Variants in FSTL5 observed in about 807,000 individuals in gnomAD.
FSTL5 encodes the protein follistatin-related protein 5.
In FSTL5, 62 loss-of-function variants were observed where a neutral mutation model predicts 89.1. The observed-to-expected ratio is 0.70, with a 90% confidence interval of 0.57 to 0.86. The LOEUF is 0.86. Among genes scored for constraint, FSTL5 ranks in the 40% least tolerant of loss-of-function variants. FSTL5 has a pLI of 0.00. For synonymous variants in FSTL5, 383 were observed against 346.2 expected (o/e 1.11, Z -1.18); for missense variants, 1,057 against 1,001.6 (o/e 1.06, Z -0.75).
chr4:162,149,345 G>A (rs11100415), intron 1 of FSTL5, among the ~76,000 whole-genome samples: 69,322 of 151,750 alleles, frequency 0.46, 17,312 homozygotes, highest in Admixed American at 0.57. Context: ...GTACCCTGCC[G>A]ACCAACCATC....
At chr4:161,883,635 A>T (rs531976705) in intron 4 of FSTL5, among the ~76,000 whole-genome samples, 1 of 152,334 alleles carries the variant, frequency 6.6e-6, no homozygotes, top group East Asian at 1.9e-4. Context: ...TTATTTAAAT[A>T]AAATTTTATC....
intron 4 of FSTL5, among the ~76,000 whole-genome samples, chr4:161,891,661 A>G (rs898140130): frequency 3.0e-4 from 45 of 152,140 alleles, no homozygotes; most frequent in Non-Finnish European, 1.3e-4. Context: ...TAAATATTTC[A>G]TCTTTATGCC....
intron 7 of FSTL5, among the ~76,000 whole-genome samples, chr4:161,619,705 A>C (rs555437618): frequency 7.0e-4 from 106 of 152,206 alleles, no homozygotes; most frequent in Admixed American, 3.3e-3. Flanking sequence ...GCTGGAGAGG[A>C]TGTGGAGAAA....
chr4:161,577,108 C>T (rs1578939643), intron 8 of FSTL5, among the ~76,000 whole-genome samples: 2 of 152,220 alleles, frequency 1.3e-5, no homozygotes, highest in East Asian at 3.9e-4. Context: ...CTTTCTTGTT[C>T]TAGTGAGTAT....
intron 3 of FSTL5, among the ~76,000 whole-genome samples, chr4:161,926,163 T>A (rs1274243389): frequency 6.6e-6 from 1 of 151,842 alleles, no homozygotes; most frequent in East Asian, 1.9e-4. Context: ...CACAGTATAA[T>A]CTTTTCATGA....
chr4:162,057,884 C>T (rs997363608), intron 2 of FSTL5, among the ~76,000 whole-genome samples: 5 of 152,088 alleles, frequency 3.3e-5, no homozygotes, highest in African/African-American at 1.2e-4. Flanking sequence ...ACGGAGGTTG[C>T]AGTGAGCCGA....
chr4:161,491,661 T>C (rs139525538), intron 12 of FSTL5, among the ~76,000 whole-genome samples: 1,698 of 152,096 alleles, frequency 0.011, 28 homozygotes, highest in African/African-American at 0.038. Flanking sequence ...GTCAACATGC[T>C]GAAACCCCGT....
At chr4:161,554,901 T>C (rs1732336956) in intron 8 of FSTL5, among the ~76,000 whole-genome samples, 1 of 151,688 alleles carries the variant, frequency 6.6e-6, no homozygotes, top group African/African-American at 2.4e-5. Flanking sequence ...TAATAAATAT[T>C]TTAAATGCTA....
intron 8 of FSTL5, among the ~76,000 whole-genome samples, chr4:161,578,600 C>A (rs1178987600): frequency 6.6e-6 from 1 of 151,770 alleles, no homozygotes; most frequent in Non-Finnish European, 1.5e-5. Context: ...AAATATATAT[C>A]CCAAAGTCCA....
intron 13 of FSTL5, among the ~76,000 whole-genome samples, chr4:161,474,443 T>C (rs996169942): frequency 9.9e-5 from 15 of 152,260 alleles, no homozygotes; most frequent in African/African-American, 3.6e-4. Flanking sequence ...AAAGTGTAGT[T>C]ACCAAATTTT....
intron 6 of FSTL5, among the ~76,000 whole-genome samples, chr4:161,696,740 G>C (rs1309856243): frequency 2.0e-5 from 3 of 152,096 alleles, no homozygotes; most frequent in Non-Finnish European, 4.4e-5. Flanking sequence ...CTCTTGATTT[G>C]ATTCTCAGCT....
chr4:161,477,703 A>C lies in FSTL5; in HGVS notation c.1608+3317T>G, dbSNP rs568089846. Among the ~76,000 whole-genome samples the C allele has an allele frequency of 9.2e-4, 140 of 151,930 alleles. 1 individual carries two copies. The highest frequency in any genetic ancestry group is 1.6e-3 in the Non-Finnish European group (110 of 67,860). On this transcript the variant is annotated intron_variant, in intron 13 of 15. Coordinates refer to ENST00000306100, the MANE Select transcript of FSTL5 (RefSeq NM_020116.5). ...AACTATTATTTAACATATACATATC[A>C]ATTTTAATTTTAATAATTCACTTTT...
At chr4:161,893,106 T>C (rs1733040965) in intron 4 of FSTL5, among the ~76,000 whole-genome samples, 1 of 152,140 alleles carries the variant, frequency 6.6e-6, no homozygotes, top group Non-Finnish European at 1.5e-5. Context: ...TAAGCAAATA[T>C]ACTTAAAGAT....
chr4:162,138,983 T>C (rs1254960364), intron 1 of FSTL5, among the ~76,000 whole-genome samples: 2 of 152,282 alleles, frequency 1.3e-5, no homozygotes, highest in Admixed American at 6.5e-5. Flanking sequence ...AATAACTCTC[T>C]ATAATAAATT....
chr4:162,101,904 A>G (rs1412797258), intron 2 of FSTL5, among the ~76,000 whole-genome samples: 1 of 152,208 alleles, frequency 6.6e-6, no homozygotes, highest in Non-Finnish European at 1.5e-5. Context: ...CCAACTTGCC[A>G]ATGGATCAAT....
chr4:161,876,499 T>G (rs1732447000), intron 4 of FSTL5, among the ~76,000 whole-genome samples: 1 of 152,200 alleles, frequency 6.6e-6, no homozygotes, highest in Non-Finnish European at 1.5e-5. Flanking sequence ...AAAAGTTACT[T>G]TGTTACAATG....
intron 15 of FSTL5, among the ~76,000 whole-genome samples, chr4:161,408,232 T>C (rs574184215): frequency 1.3e-5 from 2 of 152,188 alleles, no homozygotes; most frequent in Non-Finnish European, 2.9e-5. Context: ...AAAGGAACCA[T>C]GTGACTGAGT....
chr4:161,604,710 C>T lies in FSTL5; in HGVS notation c.895-17135G>A, dbSNP rs549688109. On this transcript the variant is annotated intron_variant, in intron 7 of 15. Coordinates refer to ENST00000306100, the MANE Select transcript of FSTL5 (RefSeq NM_020116.5). The stretch of plus-strand genomic sequence containing the variant: ...TTGGAAACCCTTCAATGAGAAGCCA[C>T]TCATCGTGTTATTGGGAAAATCTGC... 2.9e-4 allele frequency among the ~76,000 whole-genome samples: 44 copies of T among 152,218 alleles called. No individual in the cohort carries two copies. In the South Asian group the frequency reaches 8.9e-3, roughly 31 times the overall value.
intron 6 of FSTL5, among the ~76,000 whole-genome samples, chr4:161,694,842 C>CTT (rs34276732): frequency 0.041 from 4,371 of 106,072 alleles, 285 homozygotes; most frequent in East Asian, 0.078. Context: ...TTCTAAATGC[C>CTT]TTTTTTTTTT....
Sources: allele counts gnomAD v4.1 joint callset (sites outside exome capture counted in the v4.1 genomes callset), GRCh38; gene constraint gnomAD v4.1.1; transcripts MANE v1.5; gene names NCBI Gene and HGNC (gene_info 2026-07-23, HGNC 2026-07-21).